RCAN2: variants seen among roughly 807,000 people sequenced by gnomAD.
RCAN2 encodes the protein calcipressin-2.
A neutral mutation model predicts 23.6 loss-of-function variants in RCAN2; 9 were observed. The observed-to-expected ratio is 0.38, with a 90% CI of 0.23 to 0.67. The LOEUF (loss-of-function observed/expected upper bound fraction) is 0.67. RCAN2 is among the 30% of genes least tolerant of loss of function. RCAN2 has a pLI of 0.51. For missense variants in RCAN2, 273 were observed against 302.3 expected (o/e 0.90, Z 0.72); for synonymous variants, 109 against 115.7 (o/e 0.94, Z 0.37).
intron 2 of RCAN2, among the ~76,000 whole-genome samples, chr6:46,287,378 CTTTGTGAAGG>C (rs1429788454): frequency 5.9e-5 from 9 of 152,226 alleles, no homozygotes; most frequent in African/African-American, 2.2e-4. Context: ...GTGCTGGGCA[CTTTGTGAAGG>C]AAGATGGATC....
At chr6:46,463,930 T>C (rs897064803) in intron 1 of RCAN2, among the ~76,000 whole-genome samples, 3 of 152,098 alleles carry the variant, frequency 2.0e-5, no homozygotes, top group Non-Finnish European at 4.4e-5. Flanking sequence ...ACTTTTGCAA[T>C]AAGGGCAACA....
chr6:46,359,267 A>G (rs1440281647), intron 2 of RCAN2, among the ~76,000 whole-genome samples: 1 of 152,206 alleles, frequency 6.6e-6, no homozygotes, highest in Non-Finnish European at 1.5e-5. Context: ...GAAAAGAAAA[A>G]TCACATGGAG....
At chr6:46,336,753 T>C (rs373535635) in intron 2 of RCAN2, among the ~76,000 whole-genome samples, 2 of 152,060 alleles carry the variant, frequency 1.3e-5, no homozygotes, top group African/African-American at 2.4e-5. Flanking sequence ...TGGGGAAGGA[T>C]TGTAAATGTT....
chr6:46,455,844 G>T (rs1308298468), intron 2 of RCAN2, among the ~76,000 whole-genome samples: 1 of 142,336 alleles, frequency 7.0e-6, no homozygotes, highest in Admixed American at 7.3e-5. Context: ...GCAACAGAGC[G>T]AGATTCCGTT....
chr6:46,277,223 A>G (rs1272598279), intron 2 of RCAN2, among the ~76,000 whole-genome samples: 1 of 152,236 alleles, frequency 6.6e-6, no homozygotes, highest in African/African-American at 2.4e-5. Context: ...GTTCTATCAC[A>G]AATGGGCTCA....
At chr6:46,279,205 C>G (rs1220187809) in intron 2 of RCAN2, among the ~76,000 whole-genome samples, 1 of 152,188 alleles carries the variant, frequency 6.6e-6, no homozygotes, top group Non-Finnish European at 1.5e-5. Flanking sequence ...TGCTTGCCAG[C>G]AAGAAGAGCT....
At chr6:46,425,061 C>G (rs1248190300) in intron 2 of RCAN2, among the ~76,000 whole-genome samples, 1 of 152,102 alleles carries the variant, frequency 6.6e-6, no homozygotes, top group Admixed American at 6.5e-5. Context: ...ATGTGGTCCC[C>G]TTTCTTCAAC....
intron 4 of RCAN2, among the ~76,000 whole-genome samples, chr6:46,231,705 C>T (rs565483816): frequency 1.1e-4 from 17 of 152,206 alleles, no homozygotes; most frequent in East Asian, 9.7e-4. Context: ...CCACCACGCC[C>T]GGAGGTTTGT....
In RCAN2 at chr6:46,226,785, C is replaced by T. The variant is rs541254202; in HGVS notation, c.572-3484G>A. Among the ~76,000 whole-genome samples the T allele has an allele frequency of 1.0e-3, 156 of 152,302 alleles. 2 individuals carry two copies. The highest frequency in any genetic ancestry group is 6.4e-3 in the South Asian group (31 of 4,826). ...AATTGAATACCCTTTATTTCTTTCTCCTGCCTGATTGCCCTAGCCAGAACT... is the reference window on the plus strand; with the variant it reads ...AATTGAATACCCTTTATTTCTTTCTTCTGCCTGATTGCCCTAGCCAGAACT... On this transcript the variant is annotated intron_variant, in intron 4 of 4. Transcript: ENST00000371374.
At chr6:46,459,020 T>C (rs1381097851) in intron 1 of RCAN2, among the ~76,000 whole-genome samples, 1 of 152,236 alleles carries the variant, frequency 6.6e-6, no homozygotes, top group East Asian at 1.9e-4. Context: ...GCCTGGGCCT[T>C]CCAAGTAGCT....
rs180986839 is a variant in RCAN2, at chr6:46,412,686, A to G, written c.225+44066T>C. 3.7e-3 allele frequency among the ~76,000 whole-genome samples: 559 copies of G among 152,276 alleles called. 3 individuals are homozygous for G. Among genetic ancestry groups the G allele is most frequent in the African/African-American group, 0.012 (518 of 41,536 alleles). On this transcript the variant is annotated intron_variant, in intron 2 of 4. Transcript: ENST00000371374. ...TTCTTGAGAGGTCAAGAAGGATAAG[A>G]ACATAAAAATACAACTGCTGGGTCT...
At chr6:46,408,800 T>C (rs1766477924) in intron 2 of RCAN2, among the ~76,000 whole-genome samples, 1 of 152,224 alleles carries the variant, frequency 6.6e-6, no homozygotes, top group Admixed American at 6.5e-5. Context: ...TTTATTTTTA[T>C]TTTTCCAACA....
At chr6:46,325,489 T>A (rs375566906) in intron 2 of RCAN2, 36 of 1,613,620 alleles carry the variant, frequency 2.2e-5, no homozygotes, top group Non-Finnish European at 3.1e-5. Context: ...TTCCCCCTTC[T>A]GAATTTTTAA....
intron 2 of RCAN2, among the ~76,000 whole-genome samples, chr6:46,264,194 T>A (rs981434267): frequency 1.3e-5 from 2 of 152,224 alleles, no homozygotes; most frequent in South Asian, 2.1e-4. Flanking sequence ...GAGGACATTT[T>A]TAGTAAGTTT....
chr6:46,483,171 G>C (rs1291578979), intron 1 of RCAN2, among the ~76,000 whole-genome samples: 2 of 152,178 alleles, frequency 1.3e-5, no homozygotes, highest in African/African-American at 4.8e-5. Context: ...GACATTCTAA[G>C]TTTCTTAATG....
At chr6:46,403,272 G>C (rs1344719706) in intron 2 of RCAN2, among the ~76,000 whole-genome samples, 1 of 151,308 alleles carries the variant, frequency 6.6e-6, no homozygotes, top group East Asian at 2.0e-4. Flanking sequence ...GCCTACGTTT[G>C]ATTTTTAAAA....
At chr6:46,229,250 G>A (rs1385669305) in intron 4 of RCAN2, among the ~76,000 whole-genome samples, 1 of 151,970 alleles carries the variant, frequency 6.6e-6, no homozygotes, top group Non-Finnish European at 1.5e-5. Flanking sequence ...TATGTTTCTT[G>A]GAGTTGCTCT....
rs1041311556 is a variant in RCAN2, at chr6:46,350,709, A to G, written c.226-101813T>C. ...ACTTGAAACGGCTCTTGTTTCTACA[A>G]TTAGAAAGTACTTTGAAATCAGCAG... On this transcript the variant is annotated intron_variant, in intron 2 of 4. Transcript: ENST00000371374. 3.9e-5 allele frequency among the ~76,000 whole-genome samples: 6 copies of G among 152,366 alleles called. No individual in the cohort carries two copies. The East Asian group carries it at 1.2e-3, about 29-fold the overall frequency.
At chr6:46,328,218 G>A (rs947399540) in intron 2 of RCAN2, among the ~76,000 whole-genome samples, 1 of 151,950 alleles carries the variant, frequency 6.6e-6, no homozygotes, top group African/African-American at 2.4e-5. Flanking sequence ...CTGCCCTACA[G>A]ATTCCTTCCT....
Sources: gnomAD v4.1 joint callset for allele counts (sites outside exome capture counted in the v4.1 genomes callset) on GRCh38, gnomAD v4.1.1 for gene constraint, MANE v1.5 for transcripts, NCBI Gene and HGNC (gene_info 2026-07-23, HGNC 2026-07-21) for gene names.